Variants in ATR observed in about 807,000 individuals in gnomAD.
The protein encoded by ATR is ATR checkpoint kinase.
Under a neutral mutation model 305.3 loss-of-function variants are expected in ATR, and 142 were observed. That is an observed-to-expected ratio of 0.47 (90% CI 0.41 to 0.53). The LOEUF is 0.53. Ranked by LOEUF, ATR falls within the 20% of genes least tolerant of loss-of-function variation. The probability of loss-of-function intolerance (pLI) is 0.00; values close to 1 mark genes in which losing one functional copy is unlikely to be tolerated. For synonymous variants in ATR, 1,050 were observed against 1,068.1 expected (o/e 0.98, Z 0.33); for missense variants, 2,135 against 3,133.1 (o/e 0.68, Z 7.60).
chr3:142,482,921 T>A (rs1357446307), intron 36 of ATR, among the ~76,000 whole-genome samples: 1 of 151,786 alleles, frequency 6.6e-6, no homozygotes, highest in East Asian at 1.9e-4. Flanking sequence ...TATTGCTTTT[T>A]TTTTCCATTT....
intron 3 of ATR, 50 bp from the exon 4 acceptor site, chr3:142,563,159 C>T (rs1236788539): frequency 6.6e-7 from 1 of 1,521,576 alleles, no homozygotes; most frequent in Admixed American, 2.0e-5. Context: ...ATCCGAAGTG[C>T]TAATTCATTT....
intron 24 of ATR, among the ~76,000 whole-genome samples, 194 bp from the exon 25 acceptor site, chr3:142,515,709 A>G (rs1357314852): frequency 1.3e-5 from 2 of 152,096 alleles, no homozygotes; most frequent in Non-Finnish European, 2.9e-5. Flanking sequence ...TAAGGATTTG[A>G]GTCTGCCCCC....
intron 46 of ATR, chr3:142,452,788 T>TA (rs2070820635): frequency 1.8e-6 from 2 of 1,133,260 alleles, no homozygotes; most frequent in Non-Finnish European, 2.2e-6. Context: ...GCTTGTGACA[T>TA]ACTGGTATCA....
At position 142,575,073 on chromosome 3, in the gene ATR, A is replaced by G. The variant is rs142873806; in HGVS notation, c.59+3573T>C. Among the ~76,000 whole-genome samples the G allele has an allele frequency of 6.0e-3, 917 of 152,346 alleles. 11 individuals carry two copies. The highest frequency in any genetic ancestry group is 0.021 in the African/African-American group (875 of 41,578). ...TTATTTCCCTGTTTAAAAGATTCCA[A>G]TGGTTTCCCATCACACAATAAAATC... On this transcript the variant is annotated intron_variant, in intron 1 of 46. Coordinates refer to ENST00000350721, the MANE Select transcript of ATR (RefSeq NM_001184.4).
intron 28 of ATR, among the ~76,000 whole-genome samples, chr3:142,506,228 T>C (rs544686081): frequency 5.3e-5 from 8 of 152,288 alleles, no homozygotes; most frequent in African/African-American, 1.7e-4. Flanking sequence ...GGGATGTATC[T>C]AAAGGAGAAG....
intron 1 of ATR, among the ~76,000 whole-genome samples, chr3:142,576,109 G>C (rs1024098589): frequency 1.3e-5 from 2 of 152,168 alleles, no homozygotes; most frequent in Non-Finnish European, 2.9e-5. Flanking sequence ...GGTAGCAGTG[G>C]AGACAGTGAG....
At chr3:142,572,957 C>T (rs914043309) in intron 1 of ATR, among the ~76,000 whole-genome samples, 7 of 152,174 alleles carry the variant, frequency 4.6e-5, no homozygotes, top group African/African-American at 1.7e-4. Context: ...TGCCACTAGA[C>T]TATAAGCTCC....
chr3:142,460,015 T>C (rs1167836208), intron 42 of ATR, among the ~76,000 whole-genome samples: 1 of 152,044 alleles, frequency 6.6e-6, no homozygotes, highest in African/African-American at 2.4e-5. Flanking sequence ...AAAAAATATA[T>C]TTTCAAATCC....
intron 16 of ATR, among the ~76,000 whole-genome samples, chr3:142,544,741 T>C (rs1313793862): frequency 1.3e-5 from 2 of 151,820 alleles, no homozygotes; most frequent in Non-Finnish European, 2.9e-5. Flanking sequence ...TCAGGTTCCA[T>C]GCATTACCAA....
At chr3:142,468,651 T>A (rs1168011220) in intron 38 of ATR, among the ~76,000 whole-genome samples, 5 of 152,154 alleles carry the variant, frequency 3.3e-5, no homozygotes, top group African/African-American at 1.2e-4. Context: ...TTGACCAACA[T>A]ATGAATTCCC....
At chr3:142,560,578 T>G (rs770847321) in intron 5 of ATR, 124 bp from the exon 6 acceptor site, 48 of 746,006 alleles carry the variant, frequency 6.4e-5, no homozygotes, top group Non-Finnish European at 9.5e-5. Flanking sequence ...TTTTTTTTTG[T>G]GAGACAGAGT....
chr3:142,522,540 A>G (rs2033191181), intron 23 of ATR, among the ~76,000 whole-genome samples, 188 bp downstream of exon 23: 1 of 152,186 alleles, frequency 6.6e-6, no homozygotes, highest in Non-Finnish European at 1.5e-5. Context: ...AAAAATTTTG[A>G]AAGTAACTAT....
chr3:142,544,217 G>C (rs1257656181), intron 16 of ATR, among the ~76,000 whole-genome samples: 3 of 151,696 alleles, frequency 2.0e-5, no homozygotes, highest in Non-Finnish European at 4.4e-5. Context: ...CAGCAATTTG[G>C]GAGGCTGAGG....
chr3:142,454,465 C>T (rs1001015920), intron 45 of ATR, among the ~76,000 whole-genome samples: 23 of 103,814 alleles, frequency 2.2e-4, no homozygotes, highest in Non-Finnish European at 1.7e-4. Context: ...TTTTTTGAGA[C>T]GGAGTCTCGC....
intron 1 of ATR, 136 bp downstream of exon 1, chr3:142,578,510 C>G: frequency 9.7e-7 from 1 of 1,034,708 alleles, no homozygotes; most frequent in Non-Finnish European, 1.4e-6. Context: ...AAATCAGCCA[C>G]GGAGCATCTC....
At position 142,515,525 on chromosome 3, in the gene ATR, T is replaced by G. The variant is rs1035024351; in HGVS notation, c.4383-10A>C. 1.7e-5 allele frequency: 27 copies of G among 1,606,330 alleles called. No homozygotes were observed. Among genetic ancestry groups the G allele is most frequent in the Non-Finnish European group, 2.3e-5 (27 of 1,173,482 alleles). On this transcript the variant is annotated splice_polypyrimidine_tract_variant and intron_variant, in intron 24 of 46. Transcript: ENST00000350721. ...CTGAGAACTCTTGTATCTGTAATTT[T>G]GAAAATTTGTTTATTAAAAAGATAA...
At position 142,485,273 on chromosome 3, in the gene ATR, C is replaced by A. The variant is rs201091477; in HGVS notation, c.6088G>T (p.Ala2030Ser). ...AIMKKYKDVT[A>S]CLPEWEDGHF... ...CCATCCTCCCATTCTGGCAGGCACG[C>A]GGTCACATCCTATAAAAAAGAACAT... The change falls in exon 36 of 47, where the codon GCG becomes TCG. Residue 2030 changes from alanine to serine, a missense_variant. Physicochemically the swap from Ala to Ser is moderately conservative, Grantham distance 99 (BLOSUM62 1). Around this residue, in one of 9 missense-constraint regions of ATR, gnomAD observed 462 missense variants for 887.6 expected, o/e 0.52. Coordinates refer to ENST00000350721, the MANE Select transcript of ATR (RefSeq NM_001184.4). The A allele has an allele frequency of 6.2e-7, 1 of 1,614,068 alleles. No individual in the cohort carries two copies.
chr3:142,529,857 A>G (rs1324106744), intron 21 of ATR, among the ~76,000 whole-genome samples: 1 of 151,934 alleles, frequency 6.6e-6, no homozygotes, highest in Non-Finnish European at 1.5e-5. Flanking sequence ...GGAAGCTTTG[A>G]AGACTTTTTA....
intron 35 of ATR, 81 bp downstream of exon 35, chr3:142,493,051 T>C: frequency 6.8e-7 from 1 of 1,477,734 alleles, no homozygotes; most frequent in Non-Finnish European, 9.2e-7. Context: ...GTTATTTTTA[T>C]ACATGTGCTT....
Sources: gnomAD v4.1 joint callset for allele counts (sites outside exome capture counted in the v4.1 genomes callset) on GRCh38, gnomAD v4.1.1 for gene constraint, gnomAD v4.1.1 regional missense constraint, MANE v1.5 for transcripts, NCBI Gene and HGNC (gene_info 2026-07-23, HGNC 2026-07-21) for gene names.